DPYD: variants seen among roughly 807,000 people sequenced by gnomAD.
DPYD encodes the protein dihydropyrimidine dehydrogenase.
A neutral mutation model predicts 116.2 loss-of-function variants in DPYD; 109 were observed. The ratio of observed to expected loss-of-function variants is 0.94; its 90% CI spans 0.80 to 1.10. The LOEUF (loss-of-function observed/expected upper bound fraction) is 1.10, where lower values mean the gene tolerates loss of function less well. DPYD is among the 50% of genes least tolerant of loss of function. The probability of loss-of-function intolerance (pLI) is 0.00; values close to 1 mark genes in which losing one functional copy is unlikely to be tolerated. For synonymous variants in DPYD, 440 were observed against 432.0 expected (o/e 1.02, Z -0.23); for missense variants, 1,302 against 1,254.5 (o/e 1.04, Z -0.57).
At chr1:97,180,218 T>G (rs2101797018) in intron 20 of DPYD, among the ~76,000 whole-genome samples, 1 of 152,238 alleles carries the variant, frequency 6.6e-6, no homozygotes, top group Non-Finnish European at 1.5e-5. Flanking sequence ...GGCATAAAGC[T>G]CAATATAATT....
chr1:97,878,553 C>T (rs1230909990), intron 2 of DPYD, among the ~76,000 whole-genome samples: 1 of 152,006 alleles, frequency 6.6e-6, no homozygotes, highest in Admixed American at 6.6e-5. Context: ...AGTAAACATA[C>T]ACATAAAGTC....
intron 12 of DPYD, among the ~76,000 whole-genome samples, chr1:97,522,207 C>A (rs917579819): frequency 6.6e-6 from 1 of 151,998 alleles, no homozygotes. Context: ...AACAAACTTA[C>A]AAGAAAACAA....
rs1372662858 is a variant in DPYD at position 97,829,401 on chromosome 1, T to C, written c.151-1205A>G. ...TTATATGTTGTTATAATTAAAATCTTTGAAATTACCAAAATGAATCTACAA... is the reference window on the plus strand; with the variant it reads ...TTATATGTTGTTATAATTAAAATCTCTGAAATTACCAAAATGAATCTACAA... On this transcript the variant is annotated intron_variant, in intron 2 of 22. Coordinates refer to ENST00000370192, the MANE Select transcript of DPYD (RefSeq NM_000110.4). 7.2e-5 allele frequency among the ~76,000 whole-genome samples: 11 copies of C among 152,210 alleles called. No homozygotes were observed. The South Asian group carries it at 2.1e-3, about 29-fold the overall frequency.
chr1:97,316,935 T>A (rs893875800), intron 16 of DPYD, among the ~76,000 whole-genome samples: 1 of 150,956 alleles, frequency 6.6e-6, no homozygotes, highest in Non-Finnish European at 1.5e-5. Flanking sequence ...TTTAATTTTA[T>A]CATGTTTTTT....
At chr1:97,430,346 T>TTTC (rs1675105343) in intron 14 of DPYD, among the ~76,000 whole-genome samples, 2 of 152,294 alleles carry the variant, frequency 1.3e-5, no homozygotes, top group Admixed American at 1.3e-4. Context: ...TGCTCATTGG[T>TTTC]TTCTCAGATT....
intron 12 of DPYD, among the ~76,000 whole-genome samples, chr1:97,539,206 C>T (rs1650241472): frequency 6.6e-6 from 1 of 152,110 alleles, no homozygotes; most frequent in African/African-American, 2.4e-5. Flanking sequence ...TTATTCTGTA[C>T]ATAACTAAGT....
chr1:97,679,067 T>A (rs1363234707), intron 8 of DPYD, 28 bp downstream of exon 8: 4 of 1,074,644 alleles, frequency 3.7e-6, no homozygotes, highest in Middle Eastern at 3.0e-4. Flanking sequence ...ACATTATAAA[T>A]AAATATATTT....
At chr1:97,589,999 T>C (rs1392821602) in intron 10 of DPYD, among the ~76,000 whole-genome samples, 1 of 152,218 alleles carries the variant, frequency 6.6e-6, no homozygotes, top group Non-Finnish European at 1.5e-5. Flanking sequence ...CTAAAAATTA[T>C]GTGCTAGACC....
intron 3 of DPYD, among the ~76,000 whole-genome samples, chr1:97,814,769 T>G (rs1263181419): frequency 4.0e-5 from 6 of 151,486 alleles, no homozygotes; most frequent in Non-Finnish European, 2.9e-5. Context: ...CCAGGTGTGG[T>G]GGTACATGCC....
intron 5 of DPYD, among the ~76,000 whole-genome samples, chr1:97,717,813 T>C (rs888012846): frequency 1.3e-5 from 2 of 151,920 alleles, no homozygotes; most frequent in African/African-American, 4.8e-5. Context: ...CCATGGTGTG[T>C]GTGTGCATGT....
intron 3 of DPYD, among the ~76,000 whole-genome samples, chr1:97,777,242 A>G (rs1209158111): frequency 6.6e-6 from 1 of 152,184 alleles, no homozygotes; most frequent in African/African-American, 2.4e-5. Context: ...CCAGGCTTTT[A>G]AATGTTATGT....
chr1:97,765,292 A>G (rs1193683664), intron 3 of DPYD, among the ~76,000 whole-genome samples: 1 of 152,176 alleles, frequency 6.6e-6, no homozygotes, highest in Non-Finnish European at 1.5e-5. Flanking sequence ...TATCTAATCC[A>G]TTTATCAACA....
chr1:97,317,534 T>C (rs1667931440), intron 16 of DPYD, among the ~76,000 whole-genome samples: 1 of 152,086 alleles, frequency 6.6e-6, no homozygotes, highest in Non-Finnish European at 1.5e-5. Context: ...GTTTTCTTAA[T>C]GCAAAGCATT....
chr1:97,219,180 A>G (rs1227086233), intron 19 of DPYD, among the ~76,000 whole-genome samples: 5 of 152,204 alleles, frequency 3.3e-5, no homozygotes, highest in Non-Finnish European at 2.9e-5. Context: ...GTACACACAA[A>G]GCAAAACAGT....
intron 20 of DPYD, among the ~76,000 whole-genome samples, chr1:97,174,353 G>A (rs2101782344): frequency 6.6e-6 from 1 of 152,258 alleles, no homozygotes; most frequent in South Asian, 2.1e-4. Context: ...CTTCTCCTTT[G>A]AGTTGTGACA....
chr1:97,872,609 T>G (rs1671712955), intron 2 of DPYD, among the ~76,000 whole-genome samples: 1 of 151,952 alleles, frequency 6.6e-6, no homozygotes, highest in South Asian at 2.1e-4. Flanking sequence ...GGTCCATGTG[T>G]GGAATGAAGC....
chr1:97,779,280 A>G (rs569057602), intron 3 of DPYD, among the ~76,000 whole-genome samples: 28 of 143,860 alleles, frequency 1.9e-4, no homozygotes, highest in African/African-American at 6.8e-4. Flanking sequence ...ATTTGCCCTT[A>G]TTGTCTCTAT....
intron 18 of DPYD, among the ~76,000 whole-genome samples, chr1:97,299,145 A>AT (rs1315245802): frequency 2.0e-5 from 3 of 152,076 alleles, no homozygotes; most frequent in African/African-American, 7.2e-5. Context: ...ACCTACACTG[A>AT]TTTTTTAGTA....
intron 18 of DPYD, among the ~76,000 whole-genome samples, chr1:97,281,241 A>G (rs1665302609): frequency 6.6e-6 from 1 of 152,006 alleles, no homozygotes; most frequent in South Asian, 2.1e-4. Context: ...TGATAAACAG[A>G]TAACACCAGA....
Sources: gnomAD v4.1 joint callset for allele counts (sites outside exome capture counted in the v4.1 genomes callset) on GRCh38, gnomAD v4.1.1 for gene constraint, MANE v1.5 for transcripts, NCBI Gene and HGNC (gene_info 2026-07-23, HGNC 2026-07-21) for gene names.